ZNF718: variants seen among roughly 807,000 people sequenced by gnomAD.
ZNF718 encodes the protein zinc finger protein 718.
In ZNF718, 3 loss-of-function variants were observed where a neutral mutation model predicts 2.6. The ratio of observed to expected loss-of-function variants is 1.16; its 90% CI spans 0.53 to 3.01. The LOEUF is 3.01. Among genes scored for constraint, ZNF718 ranks in the 30% most tolerant of loss-of-function variants. ZNF718 has a pLI of 0.03. For synonymous variants in ZNF718, 135 were observed against 77.9 expected, an observed-to-expected ratio of 1.73 and a Z score of -3.86; for missense variants, 468 against 230.0, an observed-to-expected ratio of 2.03 and a Z score of -6.69.
intron 3 of ZNF718, among the ~76,000 whole-genome samples, chr4:134,516 A>G (rs1216453894): frequency 6.6e-6 from 1 of 152,198 alleles, no homozygotes; most frequent in Non-Finnish European, 1.5e-5. Flanking sequence ...GAAAAATGAC[A>G]CTAAAATTTT....
chr4:190,035 T>C (rs1553820927), intron 3 of ZNF718, among the ~76,000 whole-genome samples: 1 of 152,194 alleles, frequency 6.6e-6, no homozygotes, highest in South Asian at 2.1e-4. Flanking sequence ...TCAGGAATTC[T>C]ATATTTATAT....
chr4:172,773 A>C (rs1245917965), intron 3 of ZNF718, among the ~76,000 whole-genome samples: 1 of 151,796 alleles, frequency 6.6e-6, no homozygotes, highest in Non-Finnish European at 1.5e-5. Context: ...AACATGATAC[A>C]TGCCAGGTGT....
intron 3 of ZNF718, among the ~76,000 whole-genome samples, chr4:150,879 A>G (rs1385390982): frequency 2.0e-5 from 3 of 151,220 alleles, no homozygotes; most frequent in African/African-American, 7.4e-5. Context: ...TGACCCAACA[A>G]TTTGAATTTT....
intron 3 of ZNF718, among the ~76,000 whole-genome samples, chr4:158,237 G>A (rs1473483708): frequency 4.0e-5 from 6 of 151,654 alleles, no homozygotes; most frequent in Non-Finnish European, 7.4e-5. Flanking sequence ...TTTTCATCTT[G>A]CCTTGTCTCC....
chr4:145,835 G>A (rs1330879705), intron 3 of ZNF718, among the ~76,000 whole-genome samples: 2 of 151,954 alleles, frequency 1.3e-5, no homozygotes, highest in Admixed American at 6.6e-5. Context: ...TAGAGACAGA[G>A]TCCCGCTATA....
intron 3 of ZNF718, among the ~76,000 whole-genome samples, chr4:187,053 T>G (rs782331933): frequency 6.6e-6 from 1 of 152,204 alleles, no homozygotes; most frequent in Non-Finnish European, 1.5e-5. Context: ...ATTTTCAATC[T>G]TTCAGGTTGC....
At chr4:176,237 G>C (rs1322644854) in intron 3 of ZNF718, among the ~76,000 whole-genome samples, 1 of 152,016 alleles carries the variant, frequency 6.6e-6, no homozygotes, top group Non-Finnish European at 1.5e-5. Flanking sequence ...TGGCCTACTT[G>C]GCCACAATAC....
intron 3 of ZNF718, among the ~76,000 whole-genome samples, chr4:155,366 A>C (rs1421990649): frequency 1.3e-5 from 2 of 151,942 alleles, no homozygotes; most frequent in African/African-American, 4.8e-5. Flanking sequence ...ATCCACAGAC[A>C]CTCAACACCA....
At chr4:158,643 C>T (rs1276057257) in intron 3 of ZNF718, among the ~76,000 whole-genome samples, 1 of 151,924 alleles carries the variant, frequency 6.6e-6, no homozygotes, top group African/African-American at 2.4e-5. Context: ...TATCTGCCCT[C>T]AACTTTATTA....
At chr4:174,233 C>A (rs748238151) in intron 3 of ZNF718, among the ~76,000 whole-genome samples, 3 of 152,118 alleles carry the variant, frequency 2.0e-5, no homozygotes, top group East Asian at 1.9e-4. Context: ...CTTTTTCTTA[C>A]AAATTTTTCC....
intron 3 of ZNF718, among the ~76,000 whole-genome samples, chr4:141,763 C>T (rs1386216503): frequency 6.6e-6 from 1 of 152,014 alleles, no homozygotes; most frequent in Non-Finnish European, 1.5e-5. Context: ...ATCAAATTTC[C>T]TTGTATAAAG....
At chr4:153,161 C>T (rs1716408037) in intron 3 of ZNF718, among the ~76,000 whole-genome samples, 1 of 138,210 alleles carries the variant, frequency 7.2e-6, no homozygotes, top group South Asian at 2.4e-4. Context: ...TTTCCTTGCA[C>T]TATTTATTGA....
chr4:150,966 TATATTGATTGTTTAA>T (rs1716290738), intron 3 of ZNF718, among the ~76,000 whole-genome samples: 1 of 152,186 alleles, frequency 6.6e-6, no homozygotes, highest in Non-Finnish European at 1.5e-5. Flanking sequence ...TAAATTACCA[TATATTGATTGTTTAA>T]ATATGTTATC....
At chr4:186,217 A>T (rs533637295) in intron 3 of ZNF718, among the ~76,000 whole-genome samples, 1 of 151,958 alleles carries the variant, frequency 6.6e-6, no homozygotes, top group Non-Finnish European at 1.5e-5. Flanking sequence ...TGTCTGAAAA[A>T]ATTTTATTTC....
chr4:137,485 T>C (rs1178918794), intron 3 of ZNF718, among the ~76,000 whole-genome samples: 1 of 152,074 alleles, frequency 6.6e-6, no homozygotes, highest in Non-Finnish European at 1.5e-5. Flanking sequence ...TGCACAAGGG[T>C]TTCAATTCAT....
Position 160,417 on chromosome 4 carries a change from A to G in ZNF718, c.227-495A>G, listed in dbSNP as rs192975279. Among the ~76,000 whole-genome samples, 508 of 152,252 alleles carry G rather than the reference A, an allele frequency of 3.3e-3. 1 individual carries two copies. Among genetic ancestry groups the G allele is most frequent in the Non-Finnish European group, 5.6e-3 (384 of 68,020 alleles). On this transcript the variant is annotated intron_variant, in intron 3 of 3. Transcript: ENST00000510175. Reference sequence around the variant, plus strand: ...CACACAAAGGCATTTTGGTCAGTATATTTTTGTTATATATGTCTGTAAAGA... The same window carrying G: ...CACACAAAGGCATTTTGGTCAGTATGTTTTTGTTATATATGTCTGTAAAGA...
chr4:162,049 A>G lies in ZNF718; in HGVS notation c.1364A>G (p.Glu455Gly). 3 of 777,096 alleles carry G rather than the reference A, an allele frequency of 3.9e-6. No individual in the cohort carries two copies. The highest frequency in any genetic ancestry group is 7.2e-6 in the Non-Finnish European group (3 of 415,984). 48.1% of individuals were successfully genotyped at this position (777,096 alleles called of 1,614,324 possible). Reference sequence around the variant, plus strand: ...GTAGATAAACCCTACAAATGTAAAGAATGCGGGAAAGCTTTTAAGCAGTAC... The same window carrying G: ...GTAGATAAACCCTACAAATGTAAAGGATGCGGGAAAGCTTTTAAGCAGTAC... ...HTVDKPYKCK[E>G]CGKAFKQYSN... Residue 455 changes from glutamate (E) to glycine (G), a missense_variant, in exon 4 of 4, where the codon GAA (glutamate) becomes GGA (glycine). Glu to Gly is a moderately conservative substitution (Grantham distance 98, BLOSUM62 -2). Coordinates refer to ENST00000510175, the MANE Select transcript of ZNF718 (RefSeq NM_001039127.6).
intron 3 of ZNF718, among the ~76,000 whole-genome samples, chr4:150,569 G>A (rs1250808359): frequency 6.6e-6 from 1 of 151,978 alleles, no homozygotes; most frequent in Non-Finnish European, 1.5e-5. Context: ...CCGTGTCCTT[G>A]CAAATATCAA....
chr4:167,405 A>T (rs1717115515), downstream of ZNF718, among the ~76,000 whole-genome samples: 1 of 152,154 alleles, frequency 6.6e-6, no homozygotes, highest in Admixed American at 6.6e-5. Flanking sequence ...TGGTAGCTTG[A>T]TGGGGATGGC....
Sources: allele counts gnomAD v4.1 joint callset (sites outside exome capture counted in the v4.1 genomes callset), GRCh38; gene constraint gnomAD v4.1.1; transcripts MANE v1.5; gene names NCBI Gene and HGNC (gene_info 2026-07-23, HGNC 2026-07-21).